Variants in FKBP5 observed in about 807,000 individuals in gnomAD.
The protein encoded by FKBP5 is FKBP prolyl isomerase 5, also known as peptidyl-prolyl cis-trans isomerase FKBP5.
FKBP5 carries 23 observed loss-of-function variants against 50.5 expected under a neutral mutation model. That is an observed-to-expected ratio of 0.46 (90% CI 0.33 to 0.65). The LOEUF is 0.65. FKBP5 is among the 30% of genes least tolerant of loss of function. The probability of loss-of-function intolerance (pLI) is 0.02; values close to 1 mark genes in which losing one functional copy is unlikely to be tolerated. For synonymous variants in FKBP5, 176 were observed against 190.6 expected, an observed-to-expected ratio of 0.92 and a Z score of 0.63; for missense variants, 411 against 553.1, an observed-to-expected ratio of 0.74 and a Z score of 2.58.
At chr6:35,638,575 G>A (rs1011268339) in intron 2 of FKBP5, among the ~76,000 whole-genome samples, 3 of 151,890 alleles carry the variant, frequency 2.0e-5, no homozygotes, top group Non-Finnish European at 2.9e-5. Context: ...ATGCCACCAC[G>A]CCTGGCAAAT....
At chr6:35,583,548 T>C in intron 8 of FKBP5, 8 of 985,424 alleles carry the variant, frequency 8.1e-6, no homozygotes, top group Non-Finnish European at 9.6e-6. Context: ...GCTTCTGAGG[T>C]ACTAAAGCAG....
chr6:35,588,000 T>C (rs1296351822), intron 7 of FKBP5, among the ~76,000 whole-genome samples: 2 of 152,076 alleles, frequency 1.3e-5, no homozygotes, highest in African/African-American at 2.4e-5. Flanking sequence ...CAGCCCCTGC[T>C]ATCCTCTACT....
At chr6:35,643,108 A>G (rs944045124) in intron 1 of FKBP5, among the ~76,000 whole-genome samples, 2 of 152,240 alleles carry the variant, frequency 1.3e-5, no homozygotes, top group African/African-American at 4.8e-5. Context: ...TAGTGATTAC[A>G]TTCCTTAACA....
chr6:35,574,086 G>A lies in FKBP5; in HGVS notation c.*1749C>T, dbSNP rs975147351. The A allele has an allele frequency of 1.3e-5, 2 of 152,130 alleles. No individual in the cohort carries two copies. The highest frequency in any genetic ancestry group is 6.5e-5 in the Admixed American group (1 of 15,280). The allele number at this position is 152,130 out of a possible 1,614,324, so 9.4% of individuals were successfully genotyped here. The stretch of plus-strand genomic sequence containing the variant: ...AGCTTTTGCTCTTCATATTTCGTAG[G>A]TGAGACTGGGGCTTTTAAAAGAAAT... On this transcript the variant is annotated 3_prime_UTR_variant, in exon 11 of 11. Coordinates refer to ENST00000357266, the MANE Select transcript of FKBP5 (RefSeq NM_004117.4).
intron 3 of FKBP5, among the ~76,000 whole-genome samples, chr6:35,623,436 T>A (rs1763907145): frequency 6.6e-6 from 1 of 152,216 alleles, no homozygotes; most frequent in Non-Finnish European, 1.5e-5. Context: ...AGTAATCTAA[T>A]GAGACTACTT....
chr6:35,597,362 C>G lies in FKBP5; in HGVS notation c.551G>C (p.Arg184Thr), dbSNP rs1473052877. The G allele has an allele frequency of 6.2e-7, 1 of 1,614,190 alleles. No homozygotes were observed. The highest frequency in any genetic ancestry group is 8.5e-7 in the Non-Finnish European group (1 of 1,180,028). ...TTCGCCCACAGTGAATGCCACATCT[C>G]TGCAGTCAAACATCCTTCCACCACA... Reference protein sequence around the residue: ...GRCGGRMFDCRDVAFTVGEGE... With the variant: ...GRCGGRMFDCTDVAFTVGEGE... Residue 184 changes from arginine to threonine, a missense_variant, in exon 6 of 11, where the codon AGA becomes ACA. Transcript: ENST00000357266.
intron 2 of FKBP5, among the ~76,000 whole-genome samples, chr6:35,701,240 GTTTT>G (rs1561901928): frequency 6.8e-6 from 1 of 146,934 alleles, no homozygotes; most frequent in Non-Finnish European, 1.5e-5. Flanking sequence ...TTTGTTTTTT[GTTTT>G]TTTGTTTTTT....
chr6:35,680,399 C>T (rs527443443), intron 1 of FKBP5, among the ~76,000 whole-genome samples: 63 of 152,290 alleles, frequency 4.1e-4, no homozygotes, highest in African/African-American at 1.5e-3. Context: ...TACTGCACTC[C>T]AGACTGGGCA....
At chr6:35,694,705 C>G (rs955626755) in intron 2 of FKBP5, among the ~76,000 whole-genome samples, 1 of 151,992 alleles carries the variant, frequency 6.6e-6, no homozygotes, top group Admixed American at 6.6e-5. Flanking sequence ...GTTTTGTTTT[C>G]TTTTTAGTGT....
intron 2 of FKBP5, among the ~76,000 whole-genome samples, chr6:35,695,960 C>G (rs923602914): frequency 6.6e-6 from 1 of 150,728 alleles, no homozygotes; most frequent in Non-Finnish European, 1.5e-5. Flanking sequence ...CTGGCTAACA[C>G]GGTGAAACCC....
In FKBP5 at chr6:35,661,765, C is replaced by T. The variant is rs1340003826; in HGVS notation, c.-19-18922G>A. The stretch of plus-strand genomic sequence containing the variant: ...AGCCTGGGTGACAAGAGCAAAACTC[C>T]GTCTCAAAAAAAAAAAAAAAAAGAG... On this transcript the variant is annotated intron_variant, in intron 1 of 10. Coordinates refer to ENST00000357266, the MANE Select transcript of FKBP5 (RefSeq NM_004117.4). 1.9e-4 allele frequency among the ~76,000 whole-genome samples: 13 copies of T among 66,970 alleles called. 4 individuals carry two copies. Among genetic ancestry groups the T allele is most frequent in the African/African-American group, 5.6e-4 (11 of 19,552 alleles). 43.9% of individuals were successfully genotyped at this position (66,970 alleles called of 152,430 possible).
upstream of FKBP5, among the ~76,000 whole-genome samples, chr6:35,693,769 C>T (rs1175726029): frequency 6.6e-6 from 1 of 152,014 alleles, no homozygotes; most frequent in Non-Finnish European, 1.5e-5. Flanking sequence ...GATCCGCCCG[C>T]CTCGGCCTCC....
chr6:35,580,737 T>G (rs1762403392), intron 8 of FKBP5: 1 of 404,688 alleles, frequency 2.5e-6, no homozygotes, highest in Admixed American at 6.4e-5. Flanking sequence ...GAGACAGCGT[T>G]TCACTATGTT....
intron 2 of FKBP5, among the ~76,000 whole-genome samples, chr6:35,706,944 G>A (rs1248600562): frequency 1.3e-5 from 2 of 152,080 alleles, no homozygotes; most frequent in South Asian, 4.1e-4. Context: ...AGGTGAAAAA[G>A]CAAAGCATAG....
chr6:35,622,406 G>A (rs1267069337), intron 3 of FKBP5, among the ~76,000 whole-genome samples: 1 of 151,982 alleles, frequency 6.6e-6, no homozygotes, highest in Non-Finnish European at 1.5e-5. Flanking sequence ...AGCTACTTTG[G>A]AGGTTAAGAC....
chr6:35,586,208 G>C (rs1762592899), intron 8 of FKBP5: 1 of 984,904 alleles, frequency 1.0e-6, no homozygotes, highest in Admixed American at 6.2e-5. Context: ...ACAGAATGAA[G>C]GGCGGTTTCT....
intron 1 of FKBP5, among the ~76,000 whole-genome samples, chr6:35,652,668 C>T (rs984139893): frequency 1.3e-5 from 2 of 152,106 alleles, no homozygotes; most frequent in South Asian, 2.1e-4. Context: ...CAATGGTGCC[C>T]GAAACTTTAT....
Position 35,597,274 on chromosome 6 carries a change from T to C in FKBP5, c.639A>G (p.Glu213=), listed in dbSNP as rs746216276. The change falls in exon 6 of 11, where the codon GAA becomes GAG. Residue 213 remains glutamate (E), a synonymous_variant. Transcript: ENST00000357266. The part of the protein sequence containing the change: ...DKALEKMQRE[E]QCILYLGPRY... ...TTGGTCCAAGATATAAAATACATTG[T>C]TCTTCCCGCTGCATTTTCTCCAGAG... 2.5e-6 allele frequency: 4 copies of C among 1,614,118 alleles called. No homozygotes were observed. Among genetic ancestry groups the C allele is most frequent in the Non-Finnish European group, 2.5e-6 (3 of 1,180,000 alleles).
chr6:35,603,749 C>T (rs946742759), intron 5 of FKBP5, among the ~76,000 whole-genome samples: 2 of 151,020 alleles, frequency 1.3e-5, no homozygotes, highest in Non-Finnish European at 2.9e-5. Flanking sequence ...AGTGTAGTGG[C>T]GTGATCTTGC....
Sources: allele counts gnomAD v4.1 joint callset (sites outside exome capture counted in the v4.1 genomes callset), GRCh38; gene constraint gnomAD v4.1.1; transcripts MANE v1.5; gene names NCBI Gene and HGNC (gene_info 2026-07-23, HGNC 2026-07-21).